WDR93: variants seen among roughly 807,000 people sequenced by gnomAD.
WDR93 encodes the protein WD repeat domain 93, also known as WD repeat-containing protein 93.
In WDR93, 73 loss-of-function variants were observed where a neutral mutation model predicts 82.9. The observed-to-expected ratio is 0.88, with a 90% CI of 0.73 to 1.07. The LOEUF is 1.07. Ranked by LOEUF, WDR93 falls within the 50% of genes least tolerant of loss-of-function variation. The pLI is 0.00. For synonymous variants in WDR93, 283 were observed against 300.1 expected, an observed-to-expected ratio of 0.94 and a Z score of 0.59; for missense variants, 738 against 826.0, an observed-to-expected ratio of 0.89 and a Z score of 1.31.
At chr15:89,716,438 A>G (rs1934309233) in intron 6 of WDR93, among the ~76,000 whole-genome samples, 1 of 152,208 alleles carries the variant, frequency 6.6e-6, no homozygotes, top group African/African-American at 2.4e-5. Context: ...CAAATAGGAA[A>G]AGCACCTTGA....
chr15:89,700,139 A>G (rs1054206583), intron 1 of WDR93, among the ~76,000 whole-genome samples: 2 of 152,158 alleles, frequency 1.3e-5, no homozygotes, highest in African/African-American at 4.8e-5. Context: ...ACAGAGGAGC[A>G]TTTATTCTAG....
Position 89,737,748 on chromosome 15 carries a change from G to A in WDR93, c.1765+19G>A. The A allele has an allele frequency of 6.2e-7, 1 of 1,613,976 alleles. No individual in the cohort carries two copies. The highest frequency in any genetic ancestry group is 1.1e-5 in the South Asian group (1 of 91,060). ...CTCCGAGGTACAGAAAGGGACCAGG[G>A]CTGATGCCCACTGACCATTTCCCTG... On this transcript the variant is annotated intron_variant, in intron 15 of 16. Coordinates refer to ENST00000268130, the MANE Select transcript of WDR93 (RefSeq NM_020212.2).
rs560024697 is a variant in WDR93, at chr15:89,727,173, C to T, written c.897C>T (p.Ser299=). The T allele has an allele frequency of 6.5e-5, 105 of 1,613,390 alleles. No individual in the cohort carries two copies. In the South Asian group the frequency reaches 8.6e-4, roughly 13 times the overall value. Residue 299 remains serine, a synonymous_variant, in exon 9 of 17, where the codon AGC becomes AGT. Transcript: ENST00000268130. ...TCAACCTAGGCACCACATTCAAAAG[C>T]CCCCTGGAAGTCTTTGCAAAGATCA... The part of the protein sequence containing the change: ...PKPVTGTTFK[S]PLEVFAKIKD...
chr15:89,731,635 C>G, intron 12 of WDR93, 73 bp downstream of exon 12: 3 of 1,597,282 alleles, frequency 1.9e-6, no homozygotes, highest in Non-Finnish European at 2.6e-6. Flanking sequence ...CTCTGGAATT[C>G]CCACAGGCCC....
At chr15:89,724,765 G>A (rs145552984) in intron 8 of WDR93, among the ~76,000 whole-genome samples, 9 of 152,298 alleles carry the variant, frequency 5.9e-5, no homozygotes, top group African/African-American at 1.2e-4. Context: ...GTGAAGTAGC[G>A]TAACACATTC....
intron 6 of WDR93, among the ~76,000 whole-genome samples, chr15:89,716,374 G>C (rs188981634): frequency 9.8e-4 from 149 of 152,210 alleles, no homozygotes; most frequent in Non-Finnish European, 1.6e-3. Flanking sequence ...AAATTCCATA[G>C]TATCATACTT....
Position 89,715,106 on chromosome 15 carries a change from T to G in WDR93, c.756+11T>G, listed in dbSNP as rs528361300. ...AGACAGCCGCAACTGGTAGGAAATA[T>G]CTCTGCTTTCAGCTGATATGTTTCT... On this transcript the variant is annotated intron_variant, in intron 6 of 16. Transcript: ENST00000268130. 1.1e-5 allele frequency: 17 copies of G among 1,610,108 alleles called. No individual in the cohort carries two copies. In the Middle Eastern group the frequency reaches 6.6e-4, roughly 62 times the overall value.
intron 13 of WDR93, 147 bp downstream of exon 13, chr15:89,733,366 G>A: frequency 1.3e-6 from 1 of 744,482 alleles, no homozygotes; most frequent in Non-Finnish European, 2.1e-6. Context: ...GATCACCAAT[G>A]TCACATATAT....
intron 8 of WDR93, among the ~76,000 whole-genome samples, chr15:89,723,218 A>AAATG (rs1173736949): frequency 4.0e-5 from 6 of 151,182 alleles, no homozygotes; most frequent in Non-Finnish European, 8.8e-5. Flanking sequence ...ATAAATAAAT[A>AAATG]AATAAATAAA....
chr15:89,715,606 T>C (rs990823583), intron 6 of WDR93, among the ~76,000 whole-genome samples: 4 of 152,174 alleles, frequency 2.6e-5, no homozygotes, highest in Non-Finnish European at 5.9e-5. Context: ...TTTTTGTTTT[T>C]TGAGTCTCGC....
intron 16 of WDR93, among the ~76,000 whole-genome samples, chr15:89,740,048 T>C (rs953122621): frequency 6.6e-6 from 1 of 152,116 alleles, no homozygotes; most frequent in Non-Finnish European, 1.5e-5. Context: ...TGTGCACCTG[T>C]GAGATGCCAG....
At chr15:89,715,331 C>A (rs889433374) in intron 6 of WDR93, among the ~76,000 whole-genome samples, 1 of 152,198 alleles carries the variant, frequency 6.6e-6, no homozygotes, top group African/African-American at 2.4e-5. Context: ...TGCCTCTCCA[C>A]TGAGACCACT....
intron 16 of WDR93, among the ~76,000 whole-genome samples, chr15:89,741,252 A>G (rs1967650284): frequency 6.6e-6 from 1 of 152,130 alleles, no homozygotes; most frequent in African/African-American, 2.4e-5. Flanking sequence ...TATTTTGTCT[A>G]TTTTTTGAGA....
chr15:89,733,885 CAAG>C (rs1966944499), intron 13 of WDR93, among the ~76,000 whole-genome samples: 1 of 152,194 alleles, frequency 6.6e-6, no homozygotes, highest in Non-Finnish European at 1.5e-5. Context: ...CCCATACGGC[CAAG>C]AAGAGGCTCA....
Position 89,729,696 on chromosome 15 carries a change from C to T in WDR93, c.1137C>T (p.Val379=), listed in dbSNP as rs781366110. 6.2e-7 allele frequency: 1 copy of T among 1,605,644 alleles called. No individual in the cohort carries two copies. Among genetic ancestry groups the T allele is most frequent in the East Asian group, 2.3e-5 (1 of 44,246 alleles). ...EVKGPSGMAC[V]LGIHWTRSHN... is the part of the protein sequence containing the mutation. ...CCCCCCCACCAGGAATGGCCTGTGT[C>T]CTTGGTATACACTGGACCAGAAGTC... The change falls in exon 11 of 17, where the codon GTC becomes GTT. Residue 379 remains valine (V), a synonymous_variant. Transcript: ENST00000268130.
intron 1 of WDR93, among the ~76,000 whole-genome samples, chr15:89,694,742 C>T (rs1468649612): frequency 8.5e-5 from 13 of 152,126 alleles, no homozygotes; most frequent in Non-Finnish European, 1.9e-4. Flanking sequence ...ACTTTAATGT[C>T]ATATCTAGGA....
intron 8 of WDR93, among the ~76,000 whole-genome samples, 178 bp from the exon 9 acceptor site, chr15:89,726,979 A>G (rs1019924522): frequency 6.6e-6 from 1 of 152,166 alleles, no homozygotes; most frequent in Non-Finnish European, 1.5e-5. Context: ...GGGCTCTGTG[A>G]GCTGGTGGGG....
upstream of WDR93, chr15:89,690,705 G>A: frequency 9.1e-7 from 1 of 1,101,280 alleles, no homozygotes; most frequent in Non-Finnish European, 1.3e-6. Flanking sequence ...GGATCCCCAG[G>A]GAACGGTCAG....
chr15:89,702,095 T>G (rs748070380), intron 2 of WDR93, 46 bp downstream of exon 2: 7 of 1,539,862 alleles, frequency 4.5e-6, no homozygotes, highest in South Asian at 1.3e-5. Context: ...CTCAGTTGAG[T>G]GTTAATAAAT....
Sources: allele counts gnomAD v4.1 joint callset (sites outside exome capture counted in the v4.1 genomes callset), GRCh38; gene constraint gnomAD v4.1.1; transcripts MANE v1.5; gene names NCBI Gene and HGNC (gene_info 2026-07-23, HGNC 2026-07-21).